The following SMARCC1 variants were observed in gnomAD, a reference collection of about 807,000 sequenced individuals.
The protein encoded by SMARCC1 is SWI/SNF related BAF chromatin remodeling complex subunit C1.
A neutral mutation model predicts 147.4 loss-of-function variants in SMARCC1; 43 were observed. That is an observed-to-expected ratio of 0.29 (90% CI 0.23 to 0.38). SMARCC1 has a LOEUF of 0.38. Ranked by LOEUF, SMARCC1 falls within the 10% of genes least tolerant of loss-of-function variation. The pLI is 1.00. For missense variants in SMARCC1, 1,119 were observed against 1,381.1 expected, an observed-to-expected ratio of 0.81 and a Z score of 3.01; for synonymous variants, 495 against 484.4, an observed-to-expected ratio of 1.02 and a Z score of -0.29.
chr3:47,774,401 A>G (rs2034950844), intron 1 of SMARCC1, among the ~76,000 whole-genome samples: 1 of 151,850 alleles, frequency 6.6e-6, no homozygotes, highest in Non-Finnish European at 1.5e-5. Context: ...CTCCGTCTCA[A>G]ATAATTAATT....
intron 21 of SMARCC1, among the ~76,000 whole-genome samples, chr3:47,660,915 A>C (rs952846222): frequency 1.3e-5 from 2 of 152,174 alleles, no homozygotes; most frequent in Non-Finnish European, 2.9e-5. Flanking sequence ...AGCTAAAAAA[A>C]CCCCCAAAAC....
At chr3:47,728,335 A>G (rs970133055) in intron 6 of SMARCC1, among the ~76,000 whole-genome samples, 4 of 151,578 alleles carry the variant, frequency 2.6e-5, no homozygotes, top group Non-Finnish European at 5.9e-5. Context: ...TGATCCACCC[A>G]CCTCGGACTC....
intron 2 of SMARCC1, among the ~76,000 whole-genome samples, chr3:47,769,288 G>A (rs949228100): frequency 6.6e-6 from 1 of 150,634 alleles, no homozygotes; most frequent in African/African-American, 2.4e-5. Flanking sequence ...AAGCAGAGGT[G>A]GCCGGATCAT....
chr3:47,761,091 C>T (rs1417975456), intron 2 of SMARCC1, among the ~76,000 whole-genome samples: 2 of 151,868 alleles, frequency 1.3e-5, no homozygotes, highest in East Asian at 3.9e-4. Context: ...TGAGATCGCG[C>T]TACCACACTC....
intron 26 of SMARCC1, among the ~76,000 whole-genome samples, chr3:47,605,957 T>C (rs1441085844): frequency 6.6e-6 from 1 of 151,686 alleles, no homozygotes; most frequent in African/African-American, 2.4e-5. Context: ...ATGAATATTC[T>C]CTGTTAAAAC....
chr3:47,645,407 A>C (rs1028832038), intron 21 of SMARCC1, among the ~76,000 whole-genome samples: 9 of 152,198 alleles, frequency 5.9e-5, no homozygotes, highest in African/African-American at 2.2e-4. Context: ...ATTGAAGTTA[A>C]ATAAAACTGA....
chr3:47,607,235 G>C (rs1294642818), intron 26 of SMARCC1, among the ~76,000 whole-genome samples: 1 of 152,194 alleles, frequency 6.6e-6, no homozygotes, highest in Non-Finnish European at 1.5e-5. Context: ...GTCATTTAGA[G>C]TGGCAAGTCT....
chr3:47,589,761 G>A (rs1281142256), intron 27 of SMARCC1, among the ~76,000 whole-genome samples: 3 of 152,180 alleles, frequency 2.0e-5, no homozygotes, highest in Admixed American at 6.5e-5. Flanking sequence ...CCTTTGGTAA[G>A]TTCTATATGC....
At chr3:47,750,975 G>T (rs536201921) in intron 2 of SMARCC1, among the ~76,000 whole-genome samples, 2 of 151,144 alleles carry the variant, frequency 1.3e-5, no homozygotes, top group Non-Finnish European at 2.9e-5. Context: ...TCAGCTGACT[G>T]CAACCTCTGC....
intron 5 of SMARCC1, among the ~76,000 whole-genome samples, chr3:47,730,675 A>G (rs2034362934): frequency 6.6e-6 from 1 of 152,036 alleles, no homozygotes; most frequent in Non-Finnish European, 1.5e-5. Flanking sequence ...AGACCAGCCT[A>G]GCCAACGTGG....
intron 15 of SMARCC1, among the ~76,000 whole-genome samples, chr3:47,678,641 A>G (rs2033601334): frequency 6.6e-6 from 1 of 152,238 alleles, no homozygotes; most frequent in African/African-American, 2.4e-5. Context: ...TCACTACCAC[A>G]TATCTATACT....
chr3:47,734,840 C>G (rs920564776), intron 5 of SMARCC1, among the ~76,000 whole-genome samples: 1 of 152,212 alleles, frequency 6.6e-6, no homozygotes, highest in Non-Finnish European at 1.5e-5. Flanking sequence ...TCACTGCAAC[C>G]TCCACTTCCT....
At chr3:47,590,249 T>G (rs1218540603) in intron 27 of SMARCC1, among the ~76,000 whole-genome samples, 1 of 152,236 alleles carries the variant, frequency 6.6e-6, no homozygotes, top group Non-Finnish European at 1.5e-5. Flanking sequence ...TATTTGTAAT[T>G]CCAGCTCTAA....
At chr3:47,633,779 T>TACACACACACACACACACAC (rs149363143) in intron 24 of SMARCC1, among the ~76,000 whole-genome samples, 5 of 28,868 alleles carry the variant, frequency 1.7e-4, no homozygotes, top group Non-Finnish European at 1.4e-4. Flanking sequence ...TATATATATA[T>TACACACACACACACACACAC]ACACACACAC....
intron 26 of SMARCC1, chr3:47,604,612 T>C (rs2106660360): frequency 3.8e-6 from 1 of 259,960 alleles, no homozygotes; most frequent in Middle Eastern, 1.4e-3. Flanking sequence ...AGCTGACCTT[T>C]AGAATATGGT....
chr3:47,689,332 G>A (rs529618117), intron 13 of SMARCC1, 55 bp downstream of exon 13: 32 of 1,394,896 alleles, frequency 2.3e-5, no homozygotes, highest in East Asian at 1.6e-4. Flanking sequence ...TCTACTGTTC[G>A]GTACACAGGA....
intron 26 of SMARCC1, among the ~76,000 whole-genome samples, chr3:47,599,308 G>A (rs1054476271): frequency 1.3e-5 from 2 of 152,062 alleles, no homozygotes; most frequent in East Asian, 1.9e-4. Context: ...ACTTGAACCC[G>A]GGAGGTAGAG....
Position 47,610,133 on chromosome 3 carries a change from A to T in SMARCC1, c.2976T>A (p.Pro992=), listed in dbSNP as rs2032542316. The change falls in exon 26 of 28, where the codon CCT becomes CCA. Residue 992 remains proline (P), a synonymous_variant. Coordinates refer to ENST00000254480, the MANE Select transcript of SMARCC1 (RefSeq NM_003074.4). ...LGAAGHPGMM[P]HQQPPPYPLM... ...GAGGGTAGGGAGGGGGCTGTTGATG[A>T]GGCATCATGCCAGGGTGCCCTGCTG... is the stretch of plus-strand genomic sequence containing the variant. 6.2e-7 allele frequency: 1 copy of T among 1,613,606 alleles called. No individual in the cohort carries two copies. Among genetic ancestry groups the T allele is most frequent in the African/African-American group, 1.3e-5 (1 of 74,884 alleles).
At chr3:47,750,696 G>T (rs190122326) in intron 2 of SMARCC1, among the ~76,000 whole-genome samples, 1 of 152,164 alleles carries the variant, frequency 6.6e-6, no homozygotes, top group East Asian at 1.9e-4. Flanking sequence ...TCAGCAATGT[G>T]CCACCTGACA....
Sources: allele counts gnomAD v4.1 joint callset (sites outside exome capture counted in the v4.1 genomes callset), GRCh38; gene constraint gnomAD v4.1.1; transcripts MANE v1.5; gene names NCBI Gene and HGNC (gene_info 2026-07-23, HGNC 2026-07-21).